The following MEIKIN variants were observed in gnomAD, a reference collection of about 807,000 sequenced individuals.
The protein encoded by MEIKIN is meiosis-specific kinetochore protein.
At chr5:131,835,975 T>G (rs796109285) in intron 11 of MEIKIN, among the ~76,000 whole-genome samples, 133 of 152,276 alleles carry the variant, frequency 8.7e-4, no homozygotes, top group African/African-American at 3.1e-3. Context: ...GGGGGTTTGT[T>G]GCACAGATTA....
intron 9 of MEIKIN, among the ~76,000 whole-genome samples, chr5:131,874,680 G>A (rs1580884349): frequency 6.6e-6 from 1 of 152,184 alleles, no homozygotes; most frequent in Non-Finnish European, 1.5e-5. Context: ...AAGTCTGGCA[G>A]AGACACAACA....
chr5:131,807,838 C>A (rs1469313046), intron 12 of MEIKIN, among the ~76,000 whole-genome samples: 1 of 152,194 alleles, frequency 6.6e-6, no homozygotes, highest in Non-Finnish European at 1.5e-5. Flanking sequence ...GCCAAATCAG[C>A]CGATATCAAT....
intron 8 of MEIKIN, among the ~76,000 whole-genome samples, chr5:131,907,524 T>C (rs754863982): frequency 1.4e-4 from 21 of 149,856 alleles, no homozygotes; most frequent in Non-Finnish European, 2.2e-4. Context: ...GTATCTACTA[T>C]GAGCAACTAC....
At chr5:131,857,623 T>C (rs1750217168) in intron 9 of MEIKIN, among the ~76,000 whole-genome samples, 1 of 152,168 alleles carries the variant, frequency 6.6e-6, no homozygotes, top group Non-Finnish European at 1.5e-5. Context: ...TAGCAGACCA[T>C]GCCTCACCGT....
intron 9 of MEIKIN, among the ~76,000 whole-genome samples, chr5:131,855,106 T>C (rs1750172055): frequency 6.6e-6 from 1 of 152,214 alleles, no homozygotes. Flanking sequence ...TTGAAATTAC[T>C]ATTAATTTAG....
At chr5:131,919,911 C>T (rs942470395) in intron 6 of MEIKIN, among the ~76,000 whole-genome samples, 43 of 152,116 alleles carry the variant, frequency 2.8e-4, no homozygotes, top group African/African-American at 1.0e-3. Context: ...ATAAACAAAA[C>T]CAAACAGGAA....
chr5:131,891,804 G>A (rs1029195905), intron 8 of MEIKIN, among the ~76,000 whole-genome samples: 3 of 152,124 alleles, frequency 2.0e-5, no homozygotes, highest in Non-Finnish European at 2.9e-5. Flanking sequence ...CAGCATCTTC[G>A]TAGCTTTGAT....
rs186762884 is a variant in MEIKIN at position 131,867,655 on chromosome 5, T to G, written c.774+11323A>C. 1.7e-4 allele frequency among the ~76,000 whole-genome samples: 26 copies of G among 152,354 alleles called. No homozygotes were observed. The East Asian group carries it at 3.1e-3, about 18-fold the overall frequency. ...TAGCCTTTTCAGTCACTTCTTTCAC[T>G]TAGTAATATGAATTTAAGTTTCCTC... On this transcript the variant is annotated intron_variant, in intron 9 of 12. Transcript: ENST00000442687.
intron 4 of MEIKIN, among the ~76,000 whole-genome samples, chr5:131,939,170 C>T (rs562075474): frequency 6.6e-6 from 1 of 152,230 alleles, no homozygotes; most frequent in East Asian, 1.9e-4. Context: ...TCTTAGACTA[C>T]CAGGGTGGGA....
intron 8 of MEIKIN, among the ~76,000 whole-genome samples, chr5:131,898,748 T>G (rs747420498): frequency 2.6e-5 from 4 of 152,172 alleles, no homozygotes; most frequent in Non-Finnish European, 4.4e-5. Context: ...CGGGAGAGAA[T>G]CTCCTGGTCT....
intron 8 of MEIKIN, among the ~76,000 whole-genome samples, chr5:131,881,886 T>C (rs1177837955): frequency 6.6e-6 from 1 of 152,208 alleles, no homozygotes; most frequent in Non-Finnish European, 1.5e-5. Context: ...TGAAATTATA[T>C]AGTATATACA....
chr5:131,845,850 T>C (rs1165668465), intron 11 of MEIKIN, among the ~76,000 whole-genome samples: 1 of 151,882 alleles, frequency 6.6e-6, no homozygotes, highest in Non-Finnish European at 1.5e-5. Context: ...AGGAAAAGAA[T>C]GAGAAAAGAG....
intron 7 of MEIKIN, among the ~76,000 whole-genome samples, chr5:131,913,430 C>A (rs143763813): frequency 1.8e-4 from 28 of 152,284 alleles, no homozygotes; most frequent in African/African-American, 6.5e-4. Flanking sequence ...TTTAGACCTT[C>A]CGGGTATGAG....
intron 11 of MEIKIN, among the ~76,000 whole-genome samples, chr5:131,837,986 T>A (rs1479273607): frequency 6.6e-6 from 1 of 152,174 alleles, no homozygotes; most frequent in East Asian, 1.9e-4. Context: ...ATTATGATGT[T>A]GGCTGTGGGT....
chr5:131,835,187 T>C (rs1749781265), intron 11 of MEIKIN, among the ~76,000 whole-genome samples: 1 of 151,172 alleles, frequency 6.6e-6, no homozygotes, highest in South Asian at 2.1e-4. Context: ...TGTGTATATA[T>C]ATGTGTGTGT....
intron 5 of MEIKIN, among the ~76,000 whole-genome samples, chr5:131,928,310 TTC>T (rs1161473999): frequency 1.3e-5 from 2 of 152,206 alleles, no homozygotes; most frequent in African/African-American, 4.8e-5. Flanking sequence ...CACTAATTGT[TTC>T]TGTCTTGTAA....
chr5:131,892,743 T>TG (rs1490491736), intron 8 of MEIKIN, among the ~76,000 whole-genome samples: 1 of 152,248 alleles, frequency 6.6e-6, no homozygotes, highest in African/African-American at 2.4e-5. Flanking sequence ...TCCAGCTTTG[T>TG]TCCATTGCTG....
At chr5:131,918,868 G>A (rs893511923) in intron 6 of MEIKIN, among the ~76,000 whole-genome samples, 2 of 152,114 alleles carry the variant, frequency 1.3e-5, no homozygotes, top group African/African-American at 4.8e-5. Context: ...TTGCAACTAT[G>A]GGGAACAAGC....
intron 12 of MEIKIN, among the ~76,000 whole-genome samples, chr5:131,816,668 A>G (rs1340419599): frequency 6.6e-6 from 1 of 152,182 alleles, no homozygotes; most frequent in African/African-American, 2.4e-5. Context: ...TGTTTTCCAT[A>G]TATATAAAAT....
Sources: allele counts gnomAD v4.1 joint callset (sites outside exome capture counted in the v4.1 genomes callset), GRCh38; gene constraint gnomAD v4.1.1; transcripts MANE v1.5; gene names NCBI Gene and HGNC (gene_info 2026-07-23, HGNC 2026-07-21).